The following ATP5MG variants were observed in gnomAD, a reference collection of about 807,000 sequenced individuals.
ATP5MG encodes the protein ATP synthase F(0) complex subunit g, mitochondrial.
A neutral mutation model predicts 12.7 loss-of-function variants in ATP5MG; 7 were observed. The ratio of observed to expected loss-of-function variants is 0.55; its 90% CI spans 0.31 to 1.04. ATP5MG has a LOEUF of 1.04. Among genes scored for constraint, ATP5MG ranks in the 50% least tolerant of loss-of-function variants. The pLI is 0.05. For synonymous variants in ATP5MG, 53 were observed against 48.2 expected (o/e 1.10, Z -0.41); for missense variants, 116 against 126.7 (o/e 0.92, Z 0.41).
intron 1 of ATP5MG, chr11:118,405,729 C>A: frequency 1.0e-6 from 1 of 983,870 alleles, no homozygotes; most frequent in Non-Finnish European, 1.2e-6. Flanking sequence ...TATCCCCAAA[C>A]ACAGAAGATG....
intron 1 of ATP5MG, 84 bp downstream of exon 1, chr11:118,401,801 A>G: frequency 6.6e-7 from 1 of 1,524,830 alleles, no homozygotes; most frequent in East Asian, 2.3e-5. Flanking sequence ...GCGGGCTGCG[A>G]AGACCCGAGG....
In ATP5MG at chr11:118,401,694, A is replaced by G. The variant is rs782381984; in HGVS notation, c.29A>G (p.Glu10Gly). 1.2e-6 allele frequency: 2 copies of G among 1,613,642 alleles called. No homozygotes were observed. Among genetic ancestry groups the G allele is most frequent in the Non-Finnish European group, 1.7e-6 (2 of 1,179,762 alleles). Residue 10 changes from glutamate (E) to glycine (G), a missense_variant, in exon 1 of 3, where the codon GAG (glutamate) becomes GGG (glycine). Coordinates refer to ENST00000300688, the MANE Select transcript of ATP5MG (RefSeq NM_006476.5). ...GCCCAATTTGTCCGTAACCTTGTGG[A>G]GAAGACCCCGGCGCTGGTGAACGGT... MAQFVRNLV[E>G]KTPALVNAAV... is the part of the protein sequence containing the mutation.
In ATP5MG at chr11:118,409,234, G is replaced by A. The variant is rs1354214982; in HGVS notation, c.*136G>A. Reference sequence around the variant, plus strand: ...TTCTCCATCAGATACTCCATGAAAGGTCACAATTTCTCTTGATATTAAGCT... The same window carrying A: ...TTCTCCATCAGATACTCCATGAAAGATCACAATTTCTCTTGATATTAAGCT... On this transcript the variant is annotated 3_prime_UTR_variant, in exon 3 of 3. Transcript: ENST00000300688. 6.3e-6 allele frequency: 3 copies of A among 474,606 alleles called. No individual in the cohort carries two copies. Among genetic ancestry groups the A allele is most frequent in the African/African-American group, 6.2e-5 (3 of 48,482 alleles). The allele number at this position is 474,606 out of a possible 1,614,324, so 29.4% of individuals were successfully genotyped here.
chr11:118,406,866 C>A, intron 1 of ATP5MG, 71 bp from the exon 2 acceptor site: 1 of 1,533,532 alleles, frequency 6.5e-7, no homozygotes, highest in Non-Finnish European at 8.8e-7. Flanking sequence ...GTGTCCAGCC[C>A]ACACATCTGC....
In ATP5MG at chr11:118,401,681, C is replaced by T. The variant is rs1420290078; in HGVS notation, c.16C>T (p.Arg6Cys). MAQFV[R>C]NLVEKTPALV... ...TTCCAGAACCATGGCCCAATTTGTCCGTAACCTTGTGGAGAAGACCCCGGC... is the reference window on the plus strand; with the variant it reads ...TTCCAGAACCATGGCCCAATTTGTCTGTAACCTTGTGGAGAAGACCCCGGC... Residue 6 changes from arginine (R) to cysteine (C), a missense_variant, in exon 1 of 3, where the codon CGT becomes TGT. Transcript: ENST00000300688. 3.1e-6 allele frequency: 5 copies of T among 1,613,932 alleles called. No individual in the cohort carries two copies. Among genetic ancestry groups the T allele is most frequent in the Middle Eastern group, 1.6e-4 (1 of 6,074 alleles).
chr11:118,401,760 A>G (rs781828229), intron 1 of ATP5MG, 43 bp downstream of exon 1: 38 of 1,603,126 alleles, frequency 2.4e-5, no homozygotes, highest in Non-Finnish European at 2.8e-5. Flanking sequence ...CACGGGCGGC[A>G]GGGAGGCCTG....
At position 118,409,103 on chromosome 11, in the gene ATP5MG, C is replaced by G; in HGVS notation, c.*5C>G. The G allele has an allele frequency of 6.4e-7, 1 of 1,572,440 alleles. No homozygotes were observed. Among genetic ancestry groups the G allele is most frequent in the Non-Finnish European group, 8.7e-7 (1 of 1,151,844 alleles). ...ATCATTGGCTATGATGTTTGAAGAC[C>G]AATCTTTAACATCTGATTATATTTG... On this transcript the variant is annotated 3_prime_UTR_variant, in exon 3 of 3. Transcript: ENST00000300688.
chr11:118,403,877 A>T (rs1555131671), intron 1 of ATP5MG: 2 of 151,800 alleles, frequency 1.3e-5, no homozygotes, highest in Non-Finnish European at 2.9e-5. Context: ...ACAATTCTTA[A>T]TATTTCAAGT....
At chr11:118,405,252 A>C (rs1396093450) in intron 1 of ATP5MG, among the ~76,000 whole-genome samples, 1 of 152,226 alleles carries the variant, frequency 6.6e-6, no homozygotes, top group East Asian at 1.9e-4. Flanking sequence ...ATATACATGC[A>C]TACTAAGCCA....
chr11:118,407,807 G>C (rs1948985478), intron 2 of ATP5MG, among the ~76,000 whole-genome samples: 1 of 152,130 alleles, frequency 6.6e-6, no homozygotes, highest in African/African-American at 2.4e-5. Context: ...AGGAGTTAGA[G>C]GAGGCAGTGA....
At position 118,409,250 on chromosome 11, in the gene ATP5MG, A is replaced by G. The variant is rs1444338007; in HGVS notation, c.*152A>G. 1 of 432,162 alleles carries G rather than the reference A, an allele frequency of 2.3e-6. No homozygotes were observed. The highest frequency in any genetic ancestry group is 2.1e-5 in the African/African-American group (1 of 47,900). 26.8% of individuals were successfully genotyped at this position (432,162 alleles called of 1,614,324 possible). On this transcript the variant is annotated 3_prime_UTR_variant, in exon 3 of 3. Transcript: ENST00000300688. Reference sequence around the variant, plus strand: ...CCATGAAAGGTCACAATTTCTCTTGATATTAAGCTGGGTTGTCTTTAAACA... The same window carrying G: ...CCATGAAAGGTCACAATTTCTCTTGGTATTAAGCTGGGTTGTCTTTAAACA...
intron 1 of ATP5MG, among the ~76,000 whole-genome samples, chr11:118,402,688 CTTTCTTTCTTTTTT>C (rs1180086716): frequency 7.2e-6 from 1 of 139,262 alleles, no homozygotes; most frequent in African/African-American, 2.6e-5. Context: ...TTTTCTTTTT[CTTTCTTTCTTTTTT>C]TTTTTTTTTT....
intron 1 of ATP5MG, among the ~76,000 whole-genome samples, chr11:118,403,022 CCCTT>C (rs1199826607): frequency 6.6e-6 from 1 of 152,148 alleles, no homozygotes; most frequent in African/African-American, 2.4e-5. Context: ...ATTCTCTCCT[CCCTT>C]CCCTCCATCA....
chr11:118,408,987 C>T lies in ATP5MG; in HGVS notation c.214-13C>T. 6.7e-7 allele frequency: 1 copy of T among 1,495,958 alleles called. No individual in the cohort carries two copies. Among genetic ancestry groups the T allele is most frequent in the Non-Finnish European group, 9.1e-7 (1 of 1,100,792 alleles). 92.7% of individuals were successfully genotyped at this position (1,495,958 alleles called of 1,614,324 possible). A position where few individuals can be genotyped will look rare whatever the true frequency, so the allele number is the denominator to read the frequency against. On this transcript the variant is annotated splice_polypyrimidine_tract_variant and intron_variant, in intron 2 of 2. Transcript: ENST00000300688. ...TATAAAAGGTACCTTAAAATGTATG[C>T]TTCTTTTTTCAGGAAGCTGTGCTGA...
At chr11:118,406,564 C>T in intron 1 of ATP5MG, 1 of 197,820 alleles carries the variant, frequency 5.1e-6, no homozygotes. Flanking sequence ...TGGTCTCTCT[C>T]CAAGAAAATA....
chr11:118,402,939 A>G (rs1460034768), intron 1 of ATP5MG, among the ~76,000 whole-genome samples: 6 of 151,912 alleles, frequency 3.9e-5, no homozygotes, highest in African/African-American at 1.2e-4. Context: ...GGCTCAAGGG[A>G]TCCTCCCGCC....
At chr11:118,406,908 T>G in intron 1 of ATP5MG, 29 bp from the exon 2 acceptor site, 1 of 1,563,342 alleles carries the variant, frequency 6.4e-7, no homozygotes, top group Non-Finnish European at 8.7e-7. Context: ...TCATCCTGGT[T>G]TTTTGTTTTG....
chr11:118,408,763 T>G (rs1055379966), intron 2 of ATP5MG, among the ~76,000 whole-genome samples: 1 of 152,088 alleles, frequency 6.6e-6, no homozygotes, highest in Admixed American at 6.5e-5. Context: ...TTGAAAGAAT[T>G]TATATAAGCT....
rs782235319 is a variant in ATP5MG, at chr11:118,401,690, G to C, written c.25G>C (p.Val9Leu). 3 of 1,613,826 alleles carry C rather than the reference G, an allele frequency of 1.9e-6. No homozygotes were observed. Among genetic ancestry groups the C allele is most frequent in the Non-Finnish European group, 2.5e-6 (3 of 1,179,890 alleles). MAQFVRNL[V>L]EKTPALVNAA... is the part of the protein sequence containing the mutation. ...CATGGCCCAATTTGTCCGTAACCTT[G>C]TGGAGAAGACCCCGGCGCTGGTGAA... is the stretch of plus-strand genomic sequence containing the variant. Residue 9 changes from valine (V) to leucine (L), a missense_variant, in exon 1 of 3, where the codon GTG becomes CTG. Physicochemically the swap from Val to Leu is conservative, Grantham distance 32 (BLOSUM62 1). Coordinates refer to ENST00000300688, the MANE Select transcript of ATP5MG (RefSeq NM_006476.5).
Sources: allele counts gnomAD v4.1 joint callset (sites outside exome capture counted in the v4.1 genomes callset), GRCh38; gene constraint gnomAD v4.1.1; transcripts MANE v1.5; gene names NCBI Gene and HGNC (gene_info 2026-07-23, HGNC 2026-07-21).